Variants in PLPBP observed in about 807,000 individuals in gnomAD.
The protein encoded by PLPBP is pyridoxal phosphate binding protein.
In PLPBP, 21 loss-of-function variants were observed where a neutral mutation model predicts 31.2. The observed-to-expected ratio is 0.67, with a 90% CI of 0.48 to 0.97. The LOEUF (loss-of-function observed/expected upper bound fraction) is 0.97, where lower values mean the gene tolerates loss of function less well. Ranked by LOEUF, PLPBP falls within the 50% of genes least tolerant of loss-of-function variation. The pLI is 0.00. For missense variants in PLPBP, 308 were observed against 354.4 expected (o/e 0.87, Z 1.05); for synonymous variants, 124 against 135.6 (o/e 0.91, Z 0.59).
At chr8:37,777,154 G>A (rs1219019090) in intron 7 of PLPBP, among the ~76,000 whole-genome samples, 1 of 152,082 alleles carries the variant, frequency 6.6e-6, no homozygotes, top group Non-Finnish European at 1.5e-5. Flanking sequence ...GTGCTAGATT[G>A]GCAACGCAAA....
intron 7 of PLPBP, among the ~76,000 whole-genome samples, chr8:37,777,415 C>A (rs1001279969): frequency 6.6e-6 from 1 of 152,110 alleles, no homozygotes; most frequent in East Asian, 1.9e-4. Flanking sequence ...TGACCCCCTC[C>A]GAGCTGAGTG....
Position 37,778,939 on chromosome 8 carries a change from A to G in PLPBP, c.*835A>G, listed in dbSNP as rs908549189. On this transcript the variant is annotated 3_prime_UTR_variant, in exon 8 of 8. Transcript: ENST00000328195. ...CCTTAAAAAAAAAAAAAAAATCCCA[A>G]TAGTCCATGAAGGCTTTGATCTCTT... 6.6e-6 allele frequency: 1 copy of G among 152,058 alleles called. No homozygotes were observed. The highest frequency in any genetic ancestry group is 1.5e-5 in the Non-Finnish European group (1 of 68,020). 9.4% of individuals were successfully genotyped at this position (152,058 alleles called of 1,614,324 possible).
chr8:37,764,605 G>C (rs1434399432), intron 1 of PLPBP, among the ~76,000 whole-genome samples: 1 of 152,180 alleles, frequency 6.6e-6, no homozygotes, highest in Non-Finnish European at 1.5e-5. Context: ...ACAGGCGTGT[G>C]GCTCACCTGG....
intron 3 of PLPBP, 114 bp downstream of exon 3, chr8:37,765,860 A>T (rs1803613751): frequency 8.0e-6 from 9 of 1,121,280 alleles, no homozygotes; most frequent in Non-Finnish European, 1.2e-5. Context: ...TTGACTTTAG[A>T]TTGGGCCAGG....
At chr8:37,769,039 A>T (rs1388628574) in intron 4 of PLPBP, among the ~76,000 whole-genome samples, 1 of 151,952 alleles carries the variant, frequency 6.6e-6, no homozygotes, top group Non-Finnish European at 1.5e-5. Flanking sequence ...TGGAAACCAT[A>T]AAAAAAACAA....
Position 37,772,301 on chromosome 8 carries a change from G to A in PLPBP, c.320-454G>A, listed in dbSNP as rs527765524. The stretch of plus-strand genomic sequence containing the variant: ...GCCACCACACCTGGCCAGTGTTAGG[G>A]TCATGGTGATGTCCTTGTTGGATAA... On this transcript the variant is annotated intron_variant, in intron 4 of 7. Transcript: ENST00000328195. 4.6e-5 allele frequency among the ~76,000 whole-genome samples: 7 copies of A among 152,238 alleles called. No homozygotes were observed. The East Asian group carries it at 1.3e-3, about 29-fold the overall frequency.
chr8:37,768,629 C>G (rs903782171), intron 4 of PLPBP, among the ~76,000 whole-genome samples: 33 of 151,944 alleles, frequency 2.2e-4, no homozygotes, highest in African/African-American at 7.5e-4. Flanking sequence ...CCCACCACCA[C>G]GCCCAGCTAA....
At position 37,778,220 on chromosome 8, in the gene PLPBP, G is replaced by A. The variant is rs1803969895; in HGVS notation, c.*116G>A. The stretch of plus-strand genomic sequence containing the variant: ...ACCTGTGGAGAGCACTAATGATCAC[G>A]TGTGTTGATGGAAACCATCTGTGCT... On this transcript the variant is annotated 3_prime_UTR_variant, in exon 8 of 8. Transcript: ENST00000328195. The A allele has an allele frequency of 1.7e-5, 22 of 1,280,922 alleles. 1 individual carries two copies. In the South Asian group the frequency reaches 2.3e-4, roughly 13 times the overall value. 79.3% of individuals were successfully genotyped at this position (1,280,922 alleles called of 1,614,324 possible).
chr8:37,776,478 C>CAAAAAAAAAAAAAAA (rs915875297), intron 7 of PLPBP, among the ~76,000 whole-genome samples: 9 of 10,618 alleles, frequency 8.5e-4, no homozygotes, highest in Non-Finnish European at 1.2e-3. Context: ...GACTCCATCT[C>CAAAAAAAAAAAAAAA]AAAAAAAAAA....
At chr8:37,773,686 C>T (rs746782407) in intron 5 of PLPBP, among the ~76,000 whole-genome samples, 9 of 151,840 alleles carry the variant, frequency 5.9e-5, no homozygotes, top group Non-Finnish European at 1.2e-4. Context: ...TCAGGCTGGT[C>T]TTGAACTCTT....
intron 4 of PLPBP, among the ~76,000 whole-genome samples, chr8:37,770,498 A>C (rs1186395533): frequency 6.6e-6 from 1 of 152,236 alleles, no homozygotes; most frequent in Non-Finnish European, 1.5e-5. Flanking sequence ...TTAAAGACTT[A>C]AATCTAAATC....
chr8:37,762,577 C>T (rs1201217228), upstream of PLPBP: 3 of 1,508,712 alleles, frequency 2.0e-6, no homozygotes, highest in African/African-American at 1.4e-5. Flanking sequence ...GATTGGTTCA[C>T]ACGGCGCAAG....
Position 37,778,090 on chromosome 8 carries a change from G to A in PLPBP, c.814G>A (p.Ala272Thr), listed in dbSNP as rs1803966082. 6.2e-7 allele frequency: 1 copy of A among 1,612,706 alleles called. No homozygotes were observed. Residue 272 changes from alanine to threonine, a missense_variant, in exon 8 of 8, where the codon GCA (alanine) becomes ACA (threonine). By Grantham distance (58) the Ala-to-Thr change is moderately conservative. Coordinates refer to ENST00000328195, the MANE Select transcript of PLPBP (RefSeq NM_007198.4). The part of the protein sequence containing the change: ...AADVKAPLEV[A>T]QEH ...AGACGTGAAGGCCCCGCTGGAGGTG[G>A]CACAGGAGCACTGAGCCAGGGAATA...
intron 4 of PLPBP, 163 bp downstream of exon 4, chr8:37,766,518 T>C (rs1223377064): frequency 3.9e-6 from 5 of 1,277,402 alleles, no homozygotes; most frequent in Non-Finnish European, 4.0e-6. Context: ...GAAAACATCA[T>C]GCCAAGAACA....
At chr8:37,772,056 C>T (rs887399434) in intron 4 of PLPBP, among the ~76,000 whole-genome samples, 2 of 152,222 alleles carry the variant, frequency 1.3e-5, no homozygotes, top group Non-Finnish European at 2.9e-5. Context: ...ATCTGAAATA[C>T]TTGTACATAG....
Position 37,772,257 on chromosome 8 carries a change from C to T in PLPBP, c.320-498C>T, listed in dbSNP as rs971144465. Among the ~76,000 whole-genome samples, 9 of 152,200 alleles carry T rather than the reference C, an allele frequency of 5.9e-5. No individual in the cohort carries two copies. In the East Asian group the frequency reaches 1.5e-3, roughly 26 times the overall value. ...CTCCTGACCTCAGGTGATCCACCCACCTGGTATTACACGTGTGAGCCACCA... is the reference window on the plus strand; with the variant it reads ...CTCCTGACCTCAGGTGATCCACCCATCTGGTATTACACGTGTGAGCCACCA... On this transcript the variant is annotated intron_variant, in intron 4 of 7. Transcript: ENST00000328195.
chr8:37,770,626 G>C (rs1462186411), intron 4 of PLPBP, among the ~76,000 whole-genome samples: 2 of 152,342 alleles, frequency 1.3e-5, no homozygotes, highest in East Asian at 3.9e-4. Context: ...CACCCAGACT[G>C]GAATGCAGTG....
At chr8:37,762,857 A>G (rs1803516473) in intron 1 of PLPBP, 99 bp downstream of exon 1, 2 of 1,446,532 alleles carry the variant, frequency 1.4e-6, no homozygotes, top group African/African-American at 2.9e-5. Context: ...GGGGTCTCCC[A>G]GAGAGGCGGG....
At chr8:37,771,438 C>G (rs1329572523) in intron 4 of PLPBP, among the ~76,000 whole-genome samples, 1 of 152,002 alleles carries the variant, frequency 6.6e-6, no homozygotes, top group African/African-American at 2.4e-5. Flanking sequence ...CAATGCCTAG[C>G]CATCTCTGGC....
Sources: allele counts gnomAD v4.1 joint callset (sites outside exome capture counted in the v4.1 genomes callset), GRCh38; gene constraint gnomAD v4.1.1; transcripts MANE v1.5; gene names NCBI Gene and HGNC (gene_info 2026-07-23, HGNC 2026-07-21).